ZNF519: variants seen among roughly 807,000 people sequenced by gnomAD.
ZNF519 encodes the protein similar to Zinc finger protein 85 (Zinc finger protein HPF4) (HTF1).
ZNF519 carries 7 observed loss-of-function variants against 7.4 expected under a neutral mutation model. That is an observed-to-expected ratio of 0.94 (90% CI 0.54 to 1.77). ZNF519 has a LOEUF of 1.77. Ranked by LOEUF, ZNF519 falls within the 40% of genes most tolerant of loss-of-function variation. The pLI is 0.00. For synonymous variants in ZNF519, 179 were observed against 203.3 expected (o/e 0.88, Z 1.02); for missense variants, 586 against 623.1 (o/e 0.94, Z 0.63).
chr18:14,079,399 A>G (rs1476973855), intron 3 of ZNF519, among the ~76,000 whole-genome samples: 1 of 152,246 alleles, frequency 6.6e-6, no homozygotes, highest in East Asian at 1.9e-4. Context: ...TTTTGTGGAT[A>G]TTAAAACTGA....
intron 2 of ZNF519, among the ~76,000 whole-genome samples, chr18:14,123,468 C>T (rs2046279845): frequency 6.6e-6 from 1 of 152,122 alleles, no homozygotes; most frequent in African/African-American, 2.4e-5. Flanking sequence ...CCTGTAATCT[C>T]AATACTTTGA....
intron 2 of ZNF519, among the ~76,000 whole-genome samples, chr18:14,116,120 A>G (rs2046244805): frequency 6.6e-6 from 1 of 152,210 alleles, no homozygotes; most frequent in Non-Finnish European, 1.5e-5. Context: ...CACATGGAAT[A>G]AAACTAGAAA....
intron 2 of ZNF519, among the ~76,000 whole-genome samples, chr18:14,093,027 G>A (rs12457900): frequency 0.068 from 10,307 of 152,220 alleles, 667 homozygotes; most frequent in African/African-American, 0.15. Context: ...ACCAGAAAGA[G>A]CTACACAATG....
At chr18:14,088,698 G>A (rs1411520556) in intron 2 of ZNF519, among the ~76,000 whole-genome samples, 1 of 152,132 alleles carries the variant, frequency 6.6e-6, no homozygotes, top group Non-Finnish European at 1.5e-5. Flanking sequence ...TTAATTCTGA[G>A]AAATGATAAT....
In ZNF519 at chr18:14,128,690, A is replaced by AACACACACACACACAC. The variant is rs71366097; in HGVS notation, c.3+3569_3+3584dup. Reference sequence around the variant, plus strand: ...CCTAGATTAAGACAATTCTGAGTCAAACACACACACACACACACACACACA... The same window carrying AACACACACACACACAC: ...CCTAGATTAAGACAATTCTGAGTCAAACACACACACACACACACACACACACACACACACACACACA... On this transcript the variant is annotated intron_variant, in intron 1 of 2. Coordinates refer to ENST00000590202, the MANE Select transcript of ZNF519 (RefSeq NM_145287.4). 4.3e-3 allele frequency among the ~76,000 whole-genome samples: 559 copies of AACACACACACACACAC among 130,356 alleles called. 4 individuals are homozygous for AACACACACACACACAC. The highest frequency in any genetic ancestry group is 0.011 in the Middle Eastern group (3 of 264). 85.5% of individuals were successfully genotyped at this position (130,356 alleles called of 152,430 possible).
chr18:14,099,943 C>G lies in ZNF519; in HGVS notation c.*4974G>C, dbSNP rs1019243536. 2 of 152,060 alleles carry G rather than the reference C, an allele frequency of 1.3e-5. No individual in the cohort carries two copies. The highest frequency in any genetic ancestry group is 4.8e-5 in the African/African-American group (2 of 41,414). 9.4% of individuals were successfully genotyped at this position (152,060 alleles called of 1,614,324 possible). On this transcript the variant is annotated 3_prime_UTR_variant, in exon 3 of 3. Transcript: ENST00000590202. ...GAAGAAAATCCTTGCAAATGTTTTTCTTTGTGGAAAAAAAACTTATTTATT... is the reference window on the plus strand; with the variant it reads ...GAAGAAAATCCTTGCAAATGTTTTTGTTTGTGGAAAAAAAACTTATTTATT...
chr18:14,093,996 A>G (rs1332657332), intron 2 of ZNF519, among the ~76,000 whole-genome samples: 3 of 152,230 alleles, frequency 2.0e-5, no homozygotes, highest in Non-Finnish European at 4.4e-5. Flanking sequence ...ATATTACTAG[A>G]CATTTCCTTG....
chr18:14,090,832 G>C (rs2046111721), intron 2 of ZNF519: 2 of 152,366 alleles, frequency 1.3e-5, no homozygotes, highest in South Asian at 4.1e-4. Context: ...GGCAGTGAAA[G>C]AAATGCTATA....
intron 3 of ZNF519, among the ~76,000 whole-genome samples, chr18:14,079,532 T>G (rs1051916203): frequency 6.6e-6 from 1 of 152,202 alleles, no homozygotes; most frequent in African/African-American, 2.4e-5. Flanking sequence ...GCTACCGTTA[T>G]GAAGACAGTG....
chr18:14,081,838 C>T (rs892016032), intron 3 of ZNF519, among the ~76,000 whole-genome samples: 12 of 152,056 alleles, frequency 7.9e-5, no homozygotes, highest in Non-Finnish European at 1.5e-4. Flanking sequence ...AGGTCTCCAA[C>T]GTGTTTTTCT....
intron 2 of ZNF519, among the ~76,000 whole-genome samples, chr18:14,093,522 A>G (rs2046122513): frequency 6.6e-6 from 1 of 152,220 alleles, no homozygotes; most frequent in African/African-American, 2.4e-5. Flanking sequence ...CATATTTAGA[A>G]ATATGTACAT....
intron 2 of ZNF519, among the ~76,000 whole-genome samples, chr18:14,117,045 C>T (rs1213570960): frequency 6.6e-6 from 1 of 152,104 alleles, no homozygotes; most frequent in Non-Finnish European, 1.5e-5. Flanking sequence ...AAGATTATGA[C>T]ATTGGTCTCA....
chr18:14,083,955 G>C (rs1451790558), intron 3 of ZNF519, among the ~76,000 whole-genome samples: 1 of 152,092 alleles, frequency 6.6e-6, no homozygotes, highest in African/African-American at 2.4e-5. Flanking sequence ...CACAGGACCC[G>C]CTCCCTGTCC....
chr18:14,098,104 A>G (rs752810819), downstream of ZNF519, among the ~76,000 whole-genome samples: 4 of 151,660 alleles, frequency 2.6e-5, no homozygotes, highest in Admixed American at 6.6e-5. Context: ...ACTGTCCTCT[A>G]CATTGTCCCT....
chr18:14,097,004 T>C (rs1339194461), downstream of ZNF519, among the ~76,000 whole-genome samples: 1 of 152,178 alleles, frequency 6.6e-6, no homozygotes, highest in Admixed American at 6.5e-5. Context: ...TCTGCTTATA[T>C]ACGAGTTGAG....
intron 2 of ZNF519, among the ~76,000 whole-genome samples, chr18:14,085,971 A>C (rs1394789763): frequency 6.6e-6 from 1 of 151,848 alleles, no homozygotes; most frequent in East Asian, 1.9e-4. Context: ...CCTGGGACAC[A>C]CTCCAGGGTT....
Position 14,093,230 on chromosome 18 carries a change from C to T in ZNF519, c.131-8154G>A, listed in dbSNP as rs564458950. ...ACACCGCTGCTTAATCTCACTTACA[C>T]TGACCAACCCTTTGAAAGTTTCTAC... On this transcript the variant is annotated intron_variant and NMD_transcript_variant, in intron 2 of 4. Transcript: ENST00000587419. Among the ~76,000 whole-genome samples, 5 of 152,338 alleles carry T rather than the reference C, an allele frequency of 3.3e-5. No individual in the cohort carries two copies. The South Asian group carries it at 1.0e-3, about 32-fold the overall frequency.
At chr18:14,087,290 C>T (rs993705452) in intron 2 of ZNF519, among the ~76,000 whole-genome samples, 5 of 152,128 alleles carry the variant, frequency 3.3e-5, no homozygotes, top group South Asian at 2.1e-4. Context: ...GATAAGGATG[C>T]TTATGTTTAC....
intron 1 of ZNF519, 28 bp downstream of exon 1, chr18:14,132,247 C>A (rs1248257993): frequency 6.2e-7 from 1 of 1,613,554 alleles, no homozygotes; most frequent in Non-Finnish European, 8.5e-7. Flanking sequence ...CCTCCCCAGT[C>A]TCGGTACGCC....
Sources: allele counts gnomAD v4.1 joint callset (sites outside exome capture counted in the v4.1 genomes callset), GRCh38; gene constraint gnomAD v4.1.1; transcripts MANE v1.5; gene names NCBI Gene and HGNC (gene_info 2026-07-23, HGNC 2026-07-21).